Variants in EGFR observed in about 807,000 individuals in gnomAD.
EGFR encodes the protein epidermal growth factor receptor.
In EGFR, 58 loss-of-function variants were observed where a neutral mutation model predicts 143.0. The ratio of observed to expected loss-of-function variants is 0.41; its 90% CI spans 0.33 to 0.50. EGFR has a LOEUF of 0.50. EGFR is among the 20% of genes least tolerant of loss of function. EGFR has a pLI of 0.39. For missense variants in EGFR, 1,307 were observed against 1,579.0 expected (o/e 0.83, Z 2.92); for synonymous variants, 613 against 594.4 (o/e 1.03, Z -0.45).
intron 15 of EGFR, 170 bp from the exon 16 acceptor site, chr7:55,171,005 A>G: frequency 6.8e-7 from 1 of 1,471,932 alleles, no homozygotes; most frequent in Non-Finnish European, 8.9e-7. Flanking sequence ...ACAAATGAAT[A>G]AATGCATAAT....
At chr7:55,078,677 A>G (rs1161112609) in intron 1 of EGFR, among the ~76,000 whole-genome samples, 1 of 152,204 alleles carries the variant, frequency 6.6e-6, no homozygotes, top group African/African-American at 2.4e-5. Context: ...TGCAGGGCCC[A>G]GTCGCTTTGG....
intron 22 of EGFR, among the ~76,000 whole-genome samples, chr7:55,196,126 A>G (rs1425596122): frequency 1.4e-5 from 2 of 145,872 alleles, no homozygotes; most frequent in African/African-American, 5.1e-5. Flanking sequence ...CATTCCCACC[A>G]ACAGTGTAAA....
intron 16 of EGFR, among the ~76,000 whole-genome samples, chr7:55,172,345 C>T (rs1413184425): frequency 1.3e-5 from 2 of 152,226 alleles, no homozygotes; most frequent in African/African-American, 4.8e-5. Flanking sequence ...CTAGACATGA[C>T]CTCTGTGGGA....
At chr7:55,146,576 A>G (rs370246090) in intron 3 of EGFR, 30 bp from the exon 4 acceptor site, 75 of 1,613,672 alleles carry the variant, frequency 4.6e-5, no homozygotes, top group Non-Finnish European at 5.8e-5. Flanking sequence ...AGCTGGAAAG[A>G]GTGCTCACCG....
intron 1 of EGFR, among the ~76,000 whole-genome samples, chr7:55,100,082 A>T (rs2128900579): frequency 6.6e-6 from 1 of 152,336 alleles, no homozygotes; most frequent in Middle Eastern, 3.4e-3. Context: ...CTGAATGGAA[A>T]GCAGCATCTC....
chr7:55,089,037 C>T (rs1416674057), intron 1 of EGFR, among the ~76,000 whole-genome samples: 4 of 152,122 alleles, frequency 2.6e-5, no homozygotes, highest in African/African-American at 9.7e-5. Context: ...AGCATTTTTT[C>T]TGTGTATTTT....
At chr7:55,161,657 T>G (rs1785712021) in intron 13 of EGFR, 26 bp downstream of exon 13, 1 of 1,614,094 alleles carries the variant, frequency 6.2e-7, no homozygotes, top group South Asian at 1.1e-5. Context: ...TTTAATCCCC[T>G]TGCGTTGATC....
At chr7:55,110,820 T>C (rs1307137047) in intron 1 of EGFR, among the ~76,000 whole-genome samples, 1 of 152,166 alleles carries the variant, frequency 6.6e-6, no homozygotes, top group Non-Finnish European at 1.5e-5. Flanking sequence ...AGCTGGCCCC[T>C]GGCAGATCTT....
chr7:55,147,159 G>A (rs563322244), intron 4 of EGFR, among the ~76,000 whole-genome samples: 15 of 152,364 alleles, frequency 9.8e-5, no homozygotes, highest in African/African-American at 2.6e-4. Context: ...CTGAGGGCAT[G>A]AACACTGCCA....
At chr7:55,107,387 A>T (rs1792199631) in intron 1 of EGFR, among the ~76,000 whole-genome samples, 1 of 152,304 alleles carries the variant, frequency 6.6e-6, no homozygotes, top group South Asian at 2.1e-4. Flanking sequence ...GATGACAGAG[A>T]CCTATTGTTT....
intron 20 of EGFR, among the ~76,000 whole-genome samples, chr7:55,186,300 T>C (rs1396453105): frequency 6.6e-6 from 1 of 152,226 alleles, no homozygotes; most frequent in African/African-American, 2.4e-5. Flanking sequence ...CCAATGCAAC[T>C]GCAAGGCAGG....
chr7:55,104,537 T>C (rs925551620), intron 1 of EGFR, among the ~76,000 whole-genome samples: 1 of 152,226 alleles, frequency 6.6e-6, no homozygotes, highest in Non-Finnish European at 1.5e-5. Flanking sequence ...CTGTGGGGGT[T>C]ATCTGAAGGA....
chr7:55,133,056 G>A (rs1374824876), intron 1 of EGFR, among the ~76,000 whole-genome samples: 1 of 152,190 alleles, frequency 6.6e-6, no homozygotes, highest in Non-Finnish European at 1.5e-5. Flanking sequence ...ATATTACTCA[G>A]CCTTTGTCAT....
chr7:55,190,003 C>A (rs138708961), intron 20 of EGFR, among the ~76,000 whole-genome samples: 1 of 152,154 alleles, frequency 6.6e-6, no homozygotes, highest in Non-Finnish European at 1.5e-5. Context: ...AAGTCAGCAT[C>A]GCAGGAGTCA....
intron 26 of EGFR, among the ~76,000 whole-genome samples, chr7:55,202,007 G>T (rs1352194521): frequency 2.0e-5 from 3 of 151,996 alleles, no homozygotes; most frequent in African/African-American, 7.3e-5. Flanking sequence ...CATTTTTCAG[G>T]CCACTGCCCC....
At chr7:55,123,091 G>T (rs1295121100) in intron 1 of EGFR, among the ~76,000 whole-genome samples, 1 of 152,198 alleles carries the variant, frequency 6.6e-6, no homozygotes, top group East Asian at 1.9e-4. Flanking sequence ...GACTAGGTCA[G>T]GAATTCTTTT....
intron 1 of EGFR, among the ~76,000 whole-genome samples, chr7:55,033,873 C>A (rs1787409456): frequency 6.6e-6 from 1 of 152,190 alleles, no homozygotes; most frequent in African/African-American, 2.4e-5. Flanking sequence ...TAGTCCTGGG[C>A]CAGTTTTGAT....
At chr7:55,148,989 G>A (rs1032318503) in intron 4 of EGFR, among the ~76,000 whole-genome samples, 1 of 152,012 alleles carries the variant, frequency 6.6e-6, no homozygotes, top group African/African-American at 2.4e-5. Flanking sequence ...GAATGAATGG[G>A]TTTACTTCAG....
intron 1 of EGFR, among the ~76,000 whole-genome samples, chr7:55,049,852 C>T (rs917186299): frequency 2.0e-5 from 3 of 152,166 alleles, no homozygotes; most frequent in African/African-American, 7.2e-5. Flanking sequence ...TAGACTCTAG[C>T]CTGAGAATCA....
Sources: allele counts gnomAD v4.1 joint callset (sites outside exome capture counted in the v4.1 genomes callset), GRCh38; gene constraint gnomAD v4.1.1; transcripts MANE v1.5; gene names NCBI Gene and HGNC (gene_info 2026-07-23, HGNC 2026-07-21).